MTA3: variants seen among roughly 807,000 people sequenced by gnomAD.
The protein encoded by MTA3 is metastasis-associated protein MTA3.
Under a neutral mutation model 83.5 loss-of-function variants are expected in MTA3, and 34 were observed. That is an observed-to-expected ratio of 0.41 (90% CI 0.31 to 0.54). MTA3 has a LOEUF of 0.54. MTA3 is among the 20% of genes least tolerant of loss of function. The pLI is 0.33. For missense variants in MTA3, 761 were observed against 726.4 expected (o/e 1.05, Z -0.55); for synonymous variants, 303 against 252.7 (o/e 1.20, Z -1.89).
chr2:42,632,356 C>T (rs979211494), intron 4 of MTA3, among the ~76,000 whole-genome samples: 2 of 152,260 alleles, frequency 1.3e-5, no homozygotes, highest in Non-Finnish European at 2.9e-5. Flanking sequence ...TCCCAAAGTG[C>T]TGGGATTACA....
rs190238485 is a variant in MTA3, at chr2:42,753,018, G to A, written c.1760-356G>A. Reference sequence around the variant, plus strand: ...CAGCTCACTGCAGCCTTGGCTTTGTGAGCTCAAGCAGTCCTCCCCCCTCAG... The same window carrying A: ...CAGCTCACTGCAGCCTTGGCTTTGTAAGCTCAAGCAGTCCTCCCCCCTCAG... On this transcript the variant is annotated intron_variant, in intron 16 of 16. Transcript: ENST00000405094. 7.9e-5 allele frequency among the ~76,000 whole-genome samples: 12 copies of A among 151,700 alleles called. No individual in the cohort carries two copies. The East Asian group carries it at 2.3e-3, about 29-fold the overall frequency.
In MTA3 at chr2:42,607,881, A is replaced by T. The variant is rs113616809; in HGVS notation, c.191-1577A>T. On this transcript the variant is annotated intron_variant, in intron 3 of 16. Transcript: ENST00000405094. ...CAGGAGAATCACTTGAACCCGGGAG[A>T]TGGAGGTTGCAGTGAGCCGAGATTG... Among the ~76,000 whole-genome samples the T allele has an allele frequency of 4.4e-3, 672 of 152,232 alleles. 2 individuals are homozygous for T. Among genetic ancestry groups the T allele is most frequent in the Non-Finnish European group, 8.3e-3 (564 of 68,004 alleles).
chr2:42,572,854 A>G (rs963272278), intron 2 of MTA3, among the ~76,000 whole-genome samples: 1 of 152,004 alleles, frequency 6.6e-6, no homozygotes, highest in African/African-American at 2.4e-5. Flanking sequence ...CATCCTCCCA[A>G]GTAGCTGGGA....
At chr2:42,594,708 A>T (rs1411315539) in intron 3 of MTA3, among the ~76,000 whole-genome samples, 2 of 30,654 alleles carry the variant, frequency 6.5e-5, no homozygotes, top group Non-Finnish European at 1.0e-4. Flanking sequence ...AAATATACAT[A>T]TATATATATA....
At chr2:42,733,922 A>G (rs748752096) in intron 16 of MTA3, among the ~76,000 whole-genome samples, 7 of 152,208 alleles carry the variant, frequency 4.6e-5, no homozygotes, top group Non-Finnish European at 7.3e-5. Flanking sequence ...TTTTATATAA[A>G]TTTTTAAAGA....
intron 3 of MTA3, among the ~76,000 whole-genome samples, chr2:42,597,101 G>A (rs1437810188): frequency 2.0e-5 from 3 of 151,818 alleles, no homozygotes; most frequent in Admixed American, 2.0e-4. Context: ...TAGTAGAGAC[G>A]GGGTTTCACC....
intron 2 of MTA3, among the ~76,000 whole-genome samples, chr2:42,561,418 G>C (rs191120998): frequency 3.1e-3 from 473 of 152,042 alleles, no homozygotes; most frequent in Non-Finnish European, 4.9e-3. Context: ...CATCTCCCGG[G>C]TTCAAGCGAT....
intron 4 of MTA3, among the ~76,000 whole-genome samples, chr2:42,628,617 C>G (rs1466168854): frequency 2.0e-5 from 3 of 152,168 alleles, no homozygotes; most frequent in East Asian, 1.9e-4. Flanking sequence ...TCTGTTGAGA[C>G]TGAAAATATT....
chr2:42,734,992 A>G (rs138922507), intron 16 of MTA3, among the ~76,000 whole-genome samples: 2 of 152,332 alleles, frequency 1.3e-5, no homozygotes, highest in East Asian at 3.9e-4. Context: ...AGATATGAGT[A>G]GTTTACAGAC....
intron 2 of MTA3, among the ~76,000 whole-genome samples, chr2:42,519,144 G>A (rs536863691): frequency 6.6e-6 from 1 of 152,196 alleles, no homozygotes; most frequent in African/African-American, 2.4e-5. Flanking sequence ...TTGATCACAT[G>A]TACCCCTTGA....
chr2:42,553,900 A>G (rs1677252765), intron 2 of MTA3, among the ~76,000 whole-genome samples: 3 of 144,140 alleles, frequency 2.1e-5, no homozygotes. Flanking sequence ...AAAAAAAACG[A>G]AAGAAAGAAA....
intron 3 of MTA3, among the ~76,000 whole-genome samples, chr2:42,605,415 AC>A (rs1205114138): frequency 1.4e-3 from 18 of 12,654 alleles, no homozygotes; most frequent in Non-Finnish European, 1.6e-3. Flanking sequence ...TCCCTCCCGG[AC>A]GGGGCGGCTG....
At chr2:42,679,365 T>C (rs1394189065) in intron 8 of MTA3, among the ~76,000 whole-genome samples, 1 of 152,192 alleles carries the variant, frequency 6.6e-6, no homozygotes, top group Non-Finnish European at 1.5e-5. Flanking sequence ...TTTAAAGTTA[T>C]ATAAGTTACA....
chr2:42,651,786 C>T (rs150613078), intron 6 of MTA3, among the ~76,000 whole-genome samples: 17 of 144,778 alleles, frequency 1.2e-4, no homozygotes, highest in Middle Eastern at 0.01. Context: ...GGTGACAGAG[C>T]GAGACCTTGT....
At chr2:42,661,858 T>C (rs1329150495) in intron 8 of MTA3, among the ~76,000 whole-genome samples, 1 of 152,110 alleles carries the variant, frequency 6.6e-6, no homozygotes, top group South Asian at 2.1e-4. Context: ...GTTAAAAAAC[T>C]TTTTTTTCAA....
chr2:42,614,792 T>C (rs570840335), intron 4 of MTA3, among the ~76,000 whole-genome samples: 8 of 151,880 alleles, frequency 5.3e-5, no homozygotes, highest in Admixed American at 1.3e-4. Context: ...CTGGGCAACA[T>C]TGGGACACCC....
chr2:42,513,622 A>G (rs575195383), intron 2 of MTA3, among the ~76,000 whole-genome samples: 1 of 152,302 alleles, frequency 6.6e-6, no homozygotes, highest in East Asian at 1.9e-4. Flanking sequence ...GGCCAGCCAC[A>G]TAGGACAGAG....
chr2:42,565,192 GTTTA>G (rs940221811), upstream of MTA3, among the ~76,000 whole-genome samples: 8 of 150,300 alleles, frequency 5.3e-5, no homozygotes, highest in African/African-American at 1.7e-4. Flanking sequence ...TTTTTCTTTT[GTTTA>G]TTTATTTTGA....
At chr2:42,617,423 G>A (rs1402585585) in intron 4 of MTA3, among the ~76,000 whole-genome samples, 2 of 152,030 alleles carry the variant, frequency 1.3e-5, no homozygotes, top group Non-Finnish European at 2.9e-5. Context: ...AAAATGTTTT[G>A]ATATAAAAAA....
Sources: gnomAD v4.1 joint callset for allele counts (sites outside exome capture counted in the v4.1 genomes callset) on GRCh38, gnomAD v4.1.1 for gene constraint, MANE v1.5 for transcripts, NCBI Gene and HGNC (gene_info 2026-07-23, HGNC 2026-07-21) for gene names.